The following CBX7 variants were observed in gnomAD, a reference collection of about 807,000 sequenced individuals.
CBX7 encodes chromobox protein homolog 7.
In CBX7, 14 loss-of-function variants were observed where a neutral mutation model predicts 31.4. That is an observed-to-expected ratio of 0.45 (90% CI 0.29 to 0.70). CBX7 has a LOEUF of 0.70. Among genes scored for constraint, CBX7 ranks in the 30% least tolerant of loss-of-function variants. CBX7 has a pLI of 0.11. For missense variants in CBX7, 269 were observed against 351.9 expected, an observed-to-expected ratio of 0.76 and a Z score of 1.89; for synonymous variants, 159 against 152.6, an observed-to-expected ratio of 1.04 and a Z score of -0.31.
rs188130929 is a variant in CBX7 at position 39,133,787 on chromosome 22, T to A, written c.*104A>T. 5.3e-4 allele frequency: 602 copies of A among 1,144,590 alleles called. 2 individuals carry two copies. The African/African-American group carries it at 8.9e-3, about 17-fold the overall frequency. The allele number at this position is 1,144,590 out of a possible 1,614,324, so 70.9% of individuals were successfully genotyped here. A position where few individuals can be genotyped will look rare whatever the true frequency, so the allele number is the denominator to read the frequency against. ...TCTTCTCCCCTTTTGCTGCTCGGTA[T>A]TTTTTTAAATAAAATAATTACCCCG... On this transcript the variant is annotated 3_prime_UTR_variant, in exon 6 of 6. Coordinates refer to ENST00000216133, the MANE Select transcript of CBX7 (RefSeq NM_175709.5).
At chr22:39,136,528 T>A (rs927569945) in intron 4 of CBX7, 9 of 152,316 alleles carry the variant, frequency 5.9e-5, no homozygotes, top group African/African-American at 2.2e-4. Flanking sequence ...CCAGTCCCTG[T>A]CAACGTCCAG....
chr22:39,134,854 T>C (rs139386), intron 4 of CBX7, 102 bp from the exon 5 acceptor site: 314,842 of 724,126 alleles, frequency 0.43, 70,227 homozygotes, highest in African/African-American at 0.57. Flanking sequence ...TCCCATGCCA[T>C]GTCTACCCAC....
intron 5 of CBX7, 68 bp from the exon 6 acceptor site, chr22:39,134,116 C>G: frequency 6.8e-7 from 1 of 1,468,304 alleles, no homozygotes; most frequent in Non-Finnish European, 9.2e-7. Flanking sequence ...CCACCCAACC[C>G]GACCCCAACT....
In CBX7 at chr22:39,131,608, C is replaced by G. The variant is rs947436322; in HGVS notation, c.*2283G>C. ...CAGGTCACACCCCTGGAGTTCAGCT[C>G]TCCCTGAGCCACGGAGTTCCCCATG... is the stretch of plus-strand genomic sequence containing the variant. On this transcript the variant is annotated 3_prime_UTR_variant, in exon 6 of 6. Transcript: ENST00000216133. 6.6e-6 allele frequency: 1 copy of G among 152,288 alleles called. No individual in the cohort carries two copies. The highest frequency in any genetic ancestry group is 1.5e-5 in the Non-Finnish European group (1 of 68,104). The allele number at this position is 152,288 out of a possible 1,614,324, so 9.4% of individuals were successfully genotyped here.
At position 39,134,023 on chromosome 22, in the gene CBX7, G is replaced by C; in HGVS notation, c.624C>G (p.Pro208=). ...EEADADLAEG[P]PPWTPALPSS... ...AGGGGAGCGCAGGTGTCCAGGGAGG[G>C]GGCCCCTCGGCCAGGTCGGCATCTG... Residue 208 remains proline, a synonymous_variant, in exon 6 of 6, where the codon CCC becomes CCG. Transcript: ENST00000216133. 6.2e-7 allele frequency: 1 copy of C among 1,606,394 alleles called. No homozygotes were observed. The highest frequency in any genetic ancestry group is 1.8e-4 in the Middle Eastern group (1 of 5,510).
At chr22:39,141,081 C>G (rs975031002) in intron 3 of CBX7, 1 of 377,960 alleles carries the variant, frequency 2.6e-6, no homozygotes, top group Non-Finnish European at 4.9e-6. Flanking sequence ...GAGGTTTCAC[C>G]CTGGGAAATG....
At chr22:39,140,734 G>A (rs536986637) in intron 3 of CBX7, among the ~76,000 whole-genome samples, 3 of 152,298 alleles carry the variant, frequency 2.0e-5, no homozygotes, top group East Asian at 1.9e-4. Context: ...CTGCTGGTGG[G>A]GGGGGCGGCC....
Position 39,152,363 on chromosome 22 carries a change from CG to C in CBX7, c.69+12del. ...CCACTGGGGTCCTGGGAGCCGCCCCCGGGCAGCCTCACCTTCCGCACGCGCT... is the reference window on the plus strand; with the variant it reads ...CCACTGGGGTCCTGGGAGCCGCCCCCGGCAGCCTCACCTTCCGCACGCGCT... On this transcript the variant is annotated intron_variant, in intron 1 of 5. Transcript: ENST00000216133. The surrounding 1 kb of genome is among the most constrained non-coding windows in gnomAD (Gnocchi z 4.9). 2 of 1,384,276 alleles carry C rather than the reference CG, an allele frequency of 1.4e-6. No individual in the cohort carries two copies. Among genetic ancestry groups the C allele is most frequent in the Non-Finnish European group, 1.9e-6 (2 of 1,061,784 alleles). 85.7% of individuals were successfully genotyped at this position (1,384,276 alleles called of 1,614,324 possible).
At chr22:39,144,748 G>A (rs1930582492) in intron 2 of CBX7, among the ~76,000 whole-genome samples, 1 of 152,196 alleles carries the variant, frequency 6.6e-6, no homozygotes, top group Admixed American at 6.5e-5. Flanking sequence ...GTGGATCCTG[G>A]CAGGTCCCAA....
chr22:39,145,575 C>G (rs951158693), intron 2 of CBX7, among the ~76,000 whole-genome samples: 1 of 151,810 alleles, frequency 6.6e-6, no homozygotes, highest in Non-Finnish European at 1.5e-5. Flanking sequence ...CGGGGGACTG[C>G]GGGGGTCTGC....
chr22:39,138,120 G>A (rs1193929103), intron 4 of CBX7, among the ~76,000 whole-genome samples: 1 of 150,470 alleles, frequency 6.6e-6, no homozygotes, highest in Non-Finnish European at 1.5e-5. Context: ...GGTGGAGCTT[G>A]CAGTGAGCCA....
At chr22:39,145,945 G>A (rs993277983) in intron 2 of CBX7, among the ~76,000 whole-genome samples, 5 of 152,136 alleles carry the variant, frequency 3.3e-5, no homozygotes, top group Non-Finnish European at 5.9e-5. Context: ...GGGGGAAGCG[G>A]GGTTTGGAGG....
intron 5 of CBX7, 136 bp downstream of exon 5, chr22:39,134,265 A>C: frequency 1.1e-6 from 1 of 871,362 alleles, no homozygotes; most frequent in African/African-American, 1.7e-5. Context: ...GCCCTGGGCT[A>C]GTGTTGGGCC....
chr22:39,139,274 C>A (rs1398835142), intron 3 of CBX7, among the ~76,000 whole-genome samples: 2 of 152,178 alleles, frequency 1.3e-5, no homozygotes, highest in Non-Finnish European at 2.9e-5. Flanking sequence ...GATGCCTTCC[C>A]ATGTATCAAA....
chr22:39,151,609 T>C (rs969446736), intron 1 of CBX7, among the ~76,000 whole-genome samples: 2 of 152,146 alleles, frequency 1.3e-5, no homozygotes, highest in African/African-American at 2.4e-5. Context: ...AAGGAACTTC[T>C]CCCCAAGGAT....
intron 2 of CBX7, 83 bp downstream of exon 2, chr22:39,149,706 G>C: frequency 1.7e-6 from 2 of 1,164,774 alleles, no homozygotes. Flanking sequence ...TAAAAGCTAG[G>C]CAGGGGAGGG....
chr22:39,138,854 G>GCATATGGGCCTGCCTGTTATGGC, intron 3 of CBX7, 152 bp from the exon 4 acceptor site: 2 of 716,596 alleles, frequency 2.8e-6, no homozygotes, highest in Non-Finnish European at 4.9e-6. Context: ...CCTGGCTGGG[G>GCATATGGGCCTGCCTGTTATGGC]CCATAACAAC....
At chr22:39,141,310 G>T (rs1170133432) in intron 3 of CBX7, 61 bp downstream of exon 3, 5 of 1,469,580 alleles carry the variant, frequency 3.4e-6, no homozygotes, top group Non-Finnish European at 9.4e-7. Flanking sequence ...CCAGCAGCAG[G>T]CTCCTGGGAA....
Position 39,141,451 on chromosome 22 carries a change from G to A in CBX7, c.114-15C>T. The A allele has an allele frequency of 6.2e-7, 1 of 1,609,508 alleles. No individual in the cohort carries two copies. Among genetic ancestry groups the A allele is most frequent in the Non-Finnish European group, 8.5e-7 (1 of 1,178,154 alleles). On this transcript the variant is annotated splice_polypyrimidine_tract_variant and intron_variant, in intron 2 of 5. Transcript: ENST00000216133. ...ACGTGCTGTACCTGGGGAGAGGAAT[G>A]AAAGGTCAGAGTTGGGGCTGGGCGC...
Sources: allele counts gnomAD v4.1 joint callset (sites outside exome capture counted in the v4.1 genomes callset), GRCh38; gene constraint gnomAD v4.1.1; non-coding constraint Gnocchi (gnomAD v3.1); transcripts MANE v1.5; gene names NCBI Gene and HGNC (gene_info 2026-07-23, HGNC 2026-07-21).